CSGALNACT1: variants seen among roughly 807,000 people sequenced by gnomAD.
CSGALNACT1 encodes the protein chondroitin sulfate N-acetylgalactosaminyltransferase 1, also known as beta4GalNAcT-1.
A neutral mutation model predicts 51.0 loss-of-function variants in CSGALNACT1; 52 were observed. The observed-to-expected ratio is 1.02, with a 90% CI of 0.82 to 1.29. The LOEUF (loss-of-function observed/expected upper bound fraction) is 1.29, where lower values mean the gene tolerates loss of function less well. CSGALNACT1 is among the 50% of genes most tolerant of loss of function. CSGALNACT1 has a pLI of 0.00. For synonymous variants in CSGALNACT1, 341 were observed against 254.4 expected (o/e 1.34, Z -3.24); for missense variants, 935 against 679.2 (o/e 1.38, Z -4.19).
intron 1 of CSGALNACT1, among the ~76,000 whole-genome samples, chr8:19,688,293 T>G (rs949829158): frequency 6.6e-6 from 1 of 152,138 alleles, no homozygotes; most frequent in Non-Finnish European, 1.5e-5. Context: ...TTCATACCTA[T>G]AGGGACGTCA....
intron 1 of CSGALNACT1, among the ~76,000 whole-genome samples, chr8:19,721,808 T>C (rs1209229496): frequency 6.6e-6 from 1 of 152,234 alleles, no homozygotes. Context: ...CTAATTGGCT[T>C]TAGCTGTTCC....
At chr8:19,452,165 T>C (rs114405641) in intron 5 of CSGALNACT1, among the ~76,000 whole-genome samples, 2,035 of 152,306 alleles carry the variant, frequency 0.013, 37 homozygotes, top group African/African-American at 0.047. Flanking sequence ...TAGCTTCCTG[T>C]GGCTCCTGGC....
intron 4 of CSGALNACT1, among the ~76,000 whole-genome samples, chr8:19,459,677 T>A (rs2064954699): frequency 6.6e-6 from 1 of 152,052 alleles, no homozygotes; most frequent in South Asian, 2.1e-4. Flanking sequence ...GCCCCACAGG[T>A]TTGCTTTGAA....
Position 19,439,710 on chromosome 8 carries a change from T to G in CSGALNACT1, c.953+120A>C, listed in dbSNP as rs1316402099. 3 of 787,310 alleles carry G rather than the reference T, an allele frequency of 3.8e-6. No individual in the cohort carries two copies. In the East Asian group the frequency reaches 8.1e-5, roughly 21 times the overall value. The allele number at this position is 787,310 out of a possible 1,614,324, so 48.8% of individuals were successfully genotyped here. On this transcript the variant is annotated intron_variant, in intron 6 of 9. Transcript: ENST00000454498. Reference sequence around the variant, plus strand: ...TTCCCTGAACACAGCCAGCAATCAATCCATCCCAGTTCACCCACAGTGTAA... The same window carrying G: ...TTCCCTGAACACAGCCAGCAATCAAGCCATCCCAGTTCACCCACAGTGTAA...
intron 3 of CSGALNACT1, among the ~76,000 whole-genome samples, chr8:19,542,798 A>G (rs1262617410): frequency 6.6e-6 from 1 of 152,162 alleles, no homozygotes; most frequent in Non-Finnish European, 1.5e-5. Context: ...ATAATTCATA[A>G]GTTGTTTTAA....
At chr8:19,409,003 C>T (rs373622129) in intron 8 of CSGALNACT1, among the ~76,000 whole-genome samples, 25 of 136,820 alleles carry the variant, frequency 1.8e-4, no homozygotes, top group African/African-American at 6.3e-4. Context: ...CCGGGAGAGC[C>T]AGTCTTTGAG....
Position 19,610,934 on chromosome 8 carries a change from G to A in CSGALNACT1, c.-543-9069C>T, listed in dbSNP as rs574679007. On this transcript the variant is annotated intron_variant, in intron 1 of 9. Coordinates refer to the CSGALNACT1 transcript ENST00000332246. Reference sequence around the variant, plus strand: ...CATGCCCACTGCGGCTTCCGGAGCTGTCAACGTCCACCCCGAGACGTGGGG... The same window carrying A: ...CATGCCCACTGCGGCTTCCGGAGCTATCAACGTCCACCCCGAGACGTGGGG... 2.2e-4 allele frequency among the ~76,000 whole-genome samples: 34 copies of A among 152,364 alleles called. No homozygotes were observed. In the Middle Eastern group the frequency reaches 0.017, roughly 76 times the overall value.
Position 19,478,881 on chromosome 8 carries a change from C to T in CSGALNACT1, c.635-20239G>A, listed in dbSNP as rs576855624. Among the ~76,000 whole-genome samples the T allele has an allele frequency of 9.6e-4, 146 of 152,248 alleles. 1 individual carries two copies. In the Middle Eastern group the frequency reaches 0.01, roughly 11 times the overall value. On this transcript the variant is annotated intron_variant, in intron 4 of 9. Transcript: ENST00000454498. ...ACTTTCCAGACCTCTGCATTCACTA[C>T]CCTCCTTAAAGGGATCTTGTCATGT...
chr8:19,670,840 T>C (rs534335420), intron 1 of CSGALNACT1, among the ~76,000 whole-genome samples: 3 of 152,240 alleles, frequency 2.0e-5, no homozygotes, highest in African/African-American at 7.2e-5. Flanking sequence ...TTTTGGCCCC[T>C]TTGGTTAATG....
intron 1 of CSGALNACT1, among the ~76,000 whole-genome samples, chr8:19,739,458 T>C (rs1005437618): frequency 5.3e-5 from 8 of 152,152 alleles, no homozygotes; most frequent in African/African-American, 1.4e-4. Flanking sequence ...ACCACATGAC[T>C]GCCACTGCCA....
chr8:19,712,548 C>T (rs1431862887), intron 1 of CSGALNACT1, among the ~76,000 whole-genome samples: 1 of 152,168 alleles, frequency 6.6e-6, no homozygotes, highest in African/African-American at 2.4e-5. Context: ...CCAAGTAGGC[C>T]TTGCTGTGCT....
At chr8:19,621,513 G>T (rs1198847555) in intron 1 of CSGALNACT1, among the ~76,000 whole-genome samples, 1 of 152,082 alleles carries the variant, frequency 6.6e-6, no homozygotes, top group African/African-American at 2.4e-5. Flanking sequence ...AGGCACAGTG[G>T]CTGTTATGTG....
intron 3 of CSGALNACT1, among the ~76,000 whole-genome samples, chr8:19,539,314 C>A (rs891693856): frequency 2.0e-5 from 3 of 152,044 alleles, no homozygotes; most frequent in Non-Finnish European, 4.4e-5. Flanking sequence ...CAAGTGTGTA[C>A]CTTTTGACCT....
intron 1 of CSGALNACT1, among the ~76,000 whole-genome samples, chr8:19,745,089 T>C (rs1240017517): frequency 6.6e-6 from 1 of 152,252 alleles, no homozygotes; most frequent in East Asian, 1.9e-4. Flanking sequence ...CATAGTCGTC[T>C]GACCCGAAGT....
chr8:19,750,899 C>T (rs1666271455), intron 1 of CSGALNACT1, among the ~76,000 whole-genome samples: 1 of 152,120 alleles, frequency 6.6e-6, no homozygotes, highest in African/African-American at 2.4e-5. Flanking sequence ...GCCTGCCAAA[C>T]ACCTTGATCG....
At chr8:19,634,724 C>G (rs191468193) in intron 1 of CSGALNACT1, among the ~76,000 whole-genome samples, 3 of 152,202 alleles carry the variant, frequency 2.0e-5, no homozygotes, top group African/African-American at 4.8e-5. Context: ...TATGGAGACA[C>G]AGAGAGAAGG....
At chr8:19,531,843 C>A (rs1042202934) in intron 3 of CSGALNACT1, 1 of 152,250 alleles carries the variant, frequency 6.6e-6, no homozygotes, top group Non-Finnish European at 1.5e-5. Context: ...TCCTTTTGGC[C>A]AGATGCAGGT....
At chr8:19,645,952 G>A (rs778809307) in intron 1 of CSGALNACT1, among the ~76,000 whole-genome samples, 11 of 152,122 alleles carry the variant, frequency 7.2e-5, no homozygotes, top group Admixed American at 7.2e-4. Flanking sequence ...TCCCACCAGA[G>A]AGCTAACAAT....
chr8:19,515,608 G>C (rs2079367013), intron 3 of CSGALNACT1, among the ~76,000 whole-genome samples: 1 of 152,136 alleles, frequency 6.6e-6, no homozygotes, highest in Non-Finnish European at 1.5e-5. Context: ...CCTTGAAGCA[G>C]AAAAAGGGAA....
Sources: gnomAD v4.1 joint callset for allele counts (sites outside exome capture counted in the v4.1 genomes callset) on GRCh38, gnomAD v4.1.1 for gene constraint, MANE v1.5 for transcripts, NCBI Gene and HGNC (gene_info 2026-07-23, HGNC 2026-07-21) for gene names.